The following ENTREP3 variants were observed in gnomAD, a reference collection of about 807,000 sequenced individuals.
ENTREP3 encodes the protein protein ENTREP3.
chr1:155,249,833 C>A, the ENTREP3 span, among the ~76,000 whole-genome samples: 1 of 150,304 alleles, frequency 6.7e-6, no homozygotes, highest in Non-Finnish European at 1.5e-5. Context: ...TTGCAGTGAG[C>A]CCAGATCGCG....
chr1:155,251,740 C>A, the ENTREP3 span: 42 of 1,612,098 alleles, frequency 2.6e-5, no homozygotes, highest in Non-Finnish European at 3.5e-5. Flanking sequence ...TACCTCTGTG[C>A]ATCTGTTTCT....
the ENTREP3 span, chr1:155,248,451 G>C: frequency 6.2e-7 from 1 of 1,613,826 alleles, no homozygotes; most frequent in African/African-American, 1.3e-5. Context: ...CAAGCACTTT[G>C]GTATAAAGGT....
chr1:155,247,452 C>G, the ENTREP3 span: 1 of 598,072 alleles, frequency 1.7e-6, no homozygotes, highest in Non-Finnish European at 3.1e-6. Flanking sequence ...TGGGCCATGC[C>G]TTTGCCCTGA....
the ENTREP3 span, chr1:155,247,465 A>C: frequency 1.6e-6 from 1 of 621,558 alleles, no homozygotes; most frequent in Non-Finnish European, 3.0e-6. Context: ...TGCCCTGACC[A>C]TAGTGCCCTT....
At chr1:155,250,293 G>T in the ENTREP3 span, 1 of 1,547,368 alleles carries the variant, frequency 6.5e-7, no homozygotes, top group South Asian at 1.2e-5. The surrounding 1 kb of genome is among the most constrained non-coding windows in gnomAD (Gnocchi z 5.4). Context: ...ACTGGAGGTC[G>T]TGATGCCTGG....
the ENTREP3 span, chr1:155,250,701 A>G: frequency 1.9e-6 from 3 of 1,613,016 alleles, no homozygotes; most frequent in Admixed American, 3.3e-5. The surrounding 1 kb of genome is among the most constrained non-coding windows in gnomAD (Gnocchi z 5.4). Flanking sequence ...GCGAAAGAGA[A>G]CGTAGTCCAC....
chr1:155,253,974 C>A, the ENTREP3 span: 1 of 1,612,708 alleles, frequency 6.2e-7, no homozygotes, highest in Non-Finnish European at 8.5e-7. Flanking sequence ...ACAGACCTTT[C>A]CTTCCTGAGT....
chr1:155,250,788 G>T, the ENTREP3 span: 10 of 1,609,770 alleles, frequency 6.2e-6, no homozygotes, highest in African/African-American at 1.1e-4. This position sits in a 1 kb window ranked among gnomAD's most constrained non-coding sequence, Gnocchi z 5.4. Context: ...GTCACCAATG[G>T]CTGACAGCAC....
chr1:155,247,253 C>G, the ENTREP3 span: 1 of 356,526 alleles, frequency 2.8e-6, no homozygotes, highest in Non-Finnish European at 5.6e-6. Flanking sequence ...GGCTTACATA[C>G]TGTTAAGAGC....
At chr1:155,247,292 T>C in the ENTREP3 span, 1 of 426,946 alleles carries the variant, frequency 2.3e-6, no homozygotes, top group Non-Finnish European at 4.7e-6. Flanking sequence ...TCACAGTCTT[T>C]AATGGAGCAG....
chr1:155,251,035 C>T, the ENTREP3 span: 2 of 1,502,982 alleles, frequency 1.3e-6, no homozygotes, highest in Admixed American at 1.7e-5. Flanking sequence ...ATTGTCTCTA[C>T]CCACCCCAGC....
At chr1:155,247,977 G>C in the ENTREP3 span, 1 of 1,608,832 alleles carries the variant, frequency 6.2e-7, no homozygotes, top group Admixed American at 1.7e-5. Context: ...CACAAGAAAG[G>C]GCATCATCAA....
At chr1:155,252,140 C>T in the ENTREP3 span, 8 of 444,068 alleles carry the variant, frequency 1.8e-5, no homozygotes, top group East Asian at 2.5e-4. Context: ...CACCTCCATC[C>T]AGAAGCTCCA....
At chr1:155,248,285 C>A in the ENTREP3 span, 9 of 1,600,402 alleles carry the variant, frequency 5.6e-6, no homozygotes, top group Non-Finnish European at 7.7e-6. Flanking sequence ...GCGGAAGAGG[C>A]AGGCTTCAGA....
At chr1:155,248,598 G>T in the ENTREP3 span, 1 of 754,342 alleles carries the variant, frequency 1.3e-6, no homozygotes. Context: ...CCCAATCAAA[G>T]GGCCAGCATC....
the ENTREP3 span, chr1:155,251,796 G>T: frequency 4.4e-6 from 7 of 1,591,390 alleles, no homozygotes; most frequent in South Asian, 3.4e-5. Context: ...TGGGGGCACA[G>T]GCGGGACAAA....
At chr1:155,248,404 C>T in the ENTREP3 span, 3 of 1,613,910 alleles carry the variant, frequency 1.9e-6, no homozygotes, top group Admixed American at 1.7e-5. Flanking sequence ...ACATGCCTGA[C>T]CTGTATCTGC....
chr1:155,252,736 T>TTTA, the ENTREP3 span: 1 of 87,912 alleles, frequency 1.1e-5, no homozygotes, highest in African/African-American at 5.3e-5. Context: ...TTTTTTTTTT[T>TTTA]TTTTTTTTTT....
At chr1:155,251,466 C>G in the ENTREP3 span, 1 of 1,518,850 alleles carries the variant, frequency 6.6e-7, no homozygotes, top group Non-Finnish European at 9.1e-7. Flanking sequence ...TACAACCCGG[C>G]TCCCCAGCCC....
Sources: gnomAD v4.1 joint callset for allele counts (sites outside exome capture counted in the v4.1 genomes callset) on GRCh38, gnomAD v4.1.1 for gene constraint, Gnocchi (gnomAD v3.1) non-coding constraint, MANE v1.5 for transcripts, NCBI Gene and HGNC (gene_info 2026-07-23, HGNC 2026-07-21) for gene names.